SLC8A1: variants seen among roughly 807,000 people sequenced by gnomAD.
SLC8A1 encodes the protein solute carrier family 8 member A1.
A neutral mutation model predicts 68.3 loss-of-function variants in SLC8A1; 18 were observed. That is an observed-to-expected ratio of 0.26 (90% confidence interval 0.18 to 0.39). SLC8A1 has a LOEUF of 0.39. SLC8A1 is among the 10% of genes least tolerant of loss of function. The probability of loss-of-function intolerance (pLI) is 1.00; values close to 1 mark genes in which losing one functional copy is unlikely to be tolerated. For missense variants in SLC8A1, 985 were observed against 1,156.7 expected (o/e 0.85, Z 2.15); for synonymous variants, 475 against 415.5 (o/e 1.14, Z -1.74).
At position 40,131,668 on chromosome 2, in the gene SLC8A1, G is replaced by C. The variant is rs73927119; in HGVS notation, c.2437+7733C>G. Among the ~76,000 whole-genome samples, 1,466 of 152,292 alleles carry C rather than the reference G, an allele frequency of 9.6e-3. 19 individuals carry two copies. Among genetic ancestry groups the C allele is most frequent in the African/African-American group, 0.034 (1,396 of 41,550 alleles). On this transcript the variant is annotated intron_variant, in intron 7 of 7. Coordinates refer to ENST00000406785, the Ensembl canonical transcript of SLC8A1. ...TGGAATGTAATTTCCAAAGCTGCCA[G>C]TAAGCCTGGGCAGAACATGACTGCT...
chr2:40,440,754 T>A (rs1700311903), intron 1 of SLC8A1, among the ~76,000 whole-genome samples: 1 of 152,102 alleles, frequency 6.6e-6, no homozygotes, highest in Non-Finnish European at 1.5e-5. Flanking sequence ...AAACTCTCAA[T>A]AAACTAGGGA....
chr2:40,355,535 A>G (rs549092377), intron 2 of SLC8A1, among the ~76,000 whole-genome samples: 30 of 152,206 alleles, frequency 2.0e-4, no homozygotes, highest in African/African-American at 6.5e-4. Flanking sequence ...GGGGTTTTCT[A>G]TTATAAAATA....
At chr2:40,186,748 T>A (rs1210833684) in intron 2 of SLC8A1, among the ~76,000 whole-genome samples, 3 of 152,188 alleles carry the variant, frequency 2.0e-5, no homozygotes, top group Non-Finnish European at 4.4e-5. Context: ...GGTATTTGGG[T>A]CACTTCTGGC....
At chr2:40,117,148 A>T (rs899647643) in intron 7 of SLC8A1, 2 of 152,044 alleles carry the variant, frequency 1.3e-5, no homozygotes, top group African/African-American at 4.8e-5. Context: ...AGCAGGCTAG[A>T]TCGGTTTAAA....
intron 2 of SLC8A1, among the ~76,000 whole-genome samples, chr2:40,327,459 C>T (rs1337419147): frequency 3.9e-5 from 6 of 152,140 alleles, no homozygotes; most frequent in African/African-American, 7.2e-5. Flanking sequence ...TGCCAAATTT[C>T]GCAGCATAGC....
chr2:40,507,198 A>G (rs1381670560), intron 1 of SLC8A1, among the ~76,000 whole-genome samples: 1 of 151,944 alleles, frequency 6.6e-6, no homozygotes, highest in Non-Finnish European at 1.5e-5. Flanking sequence ...CCTTTAAATG[A>G]TTCTTATCTC....
intron 2 of SLC8A1, among the ~76,000 whole-genome samples, chr2:40,202,564 A>T (rs2054586250): frequency 6.6e-6 from 1 of 152,046 alleles, no homozygotes; most frequent in African/African-American, 2.4e-5. Context: ...AAAATATATA[A>T]TGGTGGCCAT....
chr2:40,462,131 C>CA (rs897709966), intron 1 of SLC8A1, among the ~76,000 whole-genome samples: 33 of 149,782 alleles, frequency 2.2e-4, no homozygotes, highest in African/African-American at 8.1e-4. Context: ...CTGAGCCTCC[C>CA]AAAAAGCTGG....
chr2:40,502,428 T>C (rs1706110617), intron 1 of SLC8A1, among the ~76,000 whole-genome samples: 1 of 152,070 alleles, frequency 6.6e-6, no homozygotes, highest in Non-Finnish European at 1.5e-5. Context: ...GTCATCATTT[T>C]GTACACCAAA....
intron 2 of SLC8A1, among the ~76,000 whole-genome samples, chr2:40,277,646 A>C (rs2066897992): frequency 6.6e-6 from 1 of 151,942 alleles, no homozygotes; most frequent in African/African-American, 2.4e-5. Flanking sequence ...ACCTTAGCCC[A>C]GCATCTGAAA....
chr2:40,174,360 C>T (rs3828295), intron 4 of SLC8A1, among the ~76,000 whole-genome samples: 101,038 of 151,936 alleles, frequency 0.67, 34,602 homozygotes, highest in Non-Finnish European at 0.76. Flanking sequence ...ACCACGGATC[C>T]ATCTTGGATG....
chr2:40,254,619 C>CAGAAAATT (rs2063582142), intron 2 of SLC8A1: 1 of 152,014 alleles, frequency 6.6e-6, no homozygotes, highest in South Asian at 2.1e-4. Context: ...AATTTTCCTT[C>CAGAAAATT]AGAAAATTGT....
In SLC8A1 at chr2:40,140,689, C is replaced by A. The variant is rs145064812; in HGVS notation, c.2162-1013G>T. On this transcript the variant is annotated intron_variant, in intron 6 of 7. Transcript: ENST00000406785. ...TTCTCTTCTCCAGTTGACTGAGAACCCTTCCAGGGCAGGAATTCATGCATC... is the reference window on the plus strand; with the variant it reads ...TTCTCTTCTCCAGTTGACTGAGAACACTTCCAGGGCAGGAATTCATGCATC... Among the ~76,000 whole-genome samples, 1,310 of 152,326 alleles carry A rather than the reference C, an allele frequency of 8.6e-3. 16 individuals carry two copies. Among genetic ancestry groups the A allele is most frequent in the African/African-American group, 0.03 (1,242 of 41,576 alleles).
intron 2 of SLC8A1, among the ~76,000 whole-genome samples, chr2:40,212,281 A>ATTTTTTT (rs371395367): frequency 1.0e-4 from 12 of 118,218 alleles, no homozygotes; most frequent in East Asian, 2.2e-4. Flanking sequence ...GAGATGCAAT[A>ATTTTTTT]TCTTTTTTTT....
At chr2:40,218,067 A>G (rs2057760549) in intron 2 of SLC8A1, among the ~76,000 whole-genome samples, 1 of 150,266 alleles carries the variant, frequency 6.7e-6, no homozygotes. Context: ...CCTTCAGAGT[A>G]CTATGGGAGG....
intron 1 of SLC8A1, among the ~76,000 whole-genome samples, chr2:40,459,284 C>CA (rs1224773757): frequency 6.6e-6 from 1 of 152,156 alleles, no homozygotes; most frequent in Non-Finnish European, 1.5e-5. Flanking sequence ...GTCAGTTCTG[C>CA]AGAGACTTGA....
At chr2:40,271,166 C>A (rs1356769594) in intron 2 of SLC8A1, among the ~76,000 whole-genome samples, 1 of 110,560 alleles carries the variant, frequency 9.0e-6, no homozygotes, top group Non-Finnish European at 1.7e-5. Flanking sequence ...AACAAGACCC[C>A]CAAGCCCCCC....
intron 2 of SLC8A1, among the ~76,000 whole-genome samples, chr2:40,336,310 T>C (rs1280125277): frequency 6.6e-6 from 1 of 152,212 alleles, no homozygotes; most frequent in Non-Finnish European, 1.5e-5. Flanking sequence ...GTATATCTTA[T>C]ACACTCAAAT....
intron 2 of SLC8A1, among the ~76,000 whole-genome samples, chr2:40,340,014 A>G (rs527904885): frequency 5.3e-5 from 8 of 152,324 alleles, no homozygotes; most frequent in Admixed American, 2.6e-4. Flanking sequence ...TCCACTGACT[A>G]TAAGTAGTCA....
Sources: gnomAD v4.1 joint callset for allele counts (sites outside exome capture counted in the v4.1 genomes callset) on GRCh38, gnomAD v4.1.1 for gene constraint, MANE v1.5 for transcripts, NCBI Gene and HGNC (gene_info 2026-07-23, HGNC 2026-07-21) for gene names.